The following TRPM3 variants were observed in gnomAD, a reference collection of about 807,000 sequenced individuals.
The protein encoded by TRPM3 is long transient receptor potential channel 3.
TRPM3 carries 77 observed loss-of-function variants against 181.2 expected under a neutral mutation model. That is an observed-to-expected ratio of 0.42 (90% confidence interval 0.35 to 0.51). The LOEUF (loss-of-function observed/expected upper bound fraction) is 0.51. Ranked by LOEUF, TRPM3 falls within the 20% of genes least tolerant of loss-of-function variation. The pLI is 0.01. For missense variants in TRPM3, 1,759 were observed against 2,196.7 expected, an observed-to-expected ratio of 0.80 and a Z score of 3.98; for synonymous variants, 745 against 796.4, an observed-to-expected ratio of 0.94 and a Z score of 1.09.
At chr9:70,869,234 C>T (rs202072985) in intron 1 of TRPM3, among the ~76,000 whole-genome samples, 2 of 151,974 alleles carry the variant, frequency 1.3e-5, no homozygotes, top group East Asian at 1.9e-4. Context: ...GACATTCCCT[C>T]CCAGCCCTCA....
chr9:71,365,045 G>A (rs2092290748), intron 1 of TRPM3, among the ~76,000 whole-genome samples: 1 of 152,044 alleles, frequency 6.6e-6, no homozygotes, highest in Non-Finnish European at 1.5e-5. Context: ...GTCAGGAAGG[G>A]AAAAAAGGAC....
intron 1 of TRPM3, among the ~76,000 whole-genome samples, chr9:71,265,149 A>G (rs1321429707): frequency 6.6e-6 from 1 of 152,228 alleles, no homozygotes; most frequent in Admixed American, 6.5e-5. Context: ...ATGCAAAGAA[A>G]AAACATAAAA....
intron 8 of TRPM3, among the ~76,000 whole-genome samples, chr9:70,698,302 T>C (rs1042193486): frequency 6.6e-6 from 1 of 152,138 alleles, no homozygotes; most frequent in African/African-American, 2.4e-5. Context: ...GCAAGCAGCC[T>C]CTGGAGTCAA....
At chr9:70,811,665 GGAATT>G (rs1180608139) in intron 6 of TRPM3, among the ~76,000 whole-genome samples, 1 of 152,128 alleles carries the variant, frequency 6.6e-6, no homozygotes, top group Non-Finnish European at 1.5e-5. Flanking sequence ...GGAGACGATA[GGAATT>G]GAATTCTTTC....
chr9:71,169,795 G>C (rs1587758225), intron 1 of TRPM3, among the ~76,000 whole-genome samples: 1 of 151,632 alleles, frequency 6.6e-6, no homozygotes, highest in East Asian at 1.9e-4. Flanking sequence ...TCTCGGTTTA[G>C]TATAAAAATA....
intron 16 of TRPM3, among the ~76,000 whole-genome samples, chr9:70,619,602 ATGGGGT>A (rs2063334542): frequency 1.3e-5 from 2 of 150,574 alleles, no homozygotes. Flanking sequence ...TTTTTTGGAG[ATGGGGT>A]CTTGCTATGT....
intron 1 of TRPM3, among the ~76,000 whole-genome samples, chr9:70,986,489 T>C (rs988537748): frequency 9.8e-5 from 15 of 152,342 alleles, no homozygotes; most frequent in African/African-American, 3.6e-4. Flanking sequence ...CAGAATTGTA[T>C]GATGCTTTGA....
intron 6 of TRPM3, among the ~76,000 whole-genome samples, chr9:70,813,150 C>T (rs17554439): frequency 5.9e-5 from 9 of 152,178 alleles, no homozygotes; most frequent in African/African-American, 1.4e-4. Context: ...GAAAGCAATG[C>T]GCTAAGTGAT....
chr9:70,776,600 G>A (rs2081411643), intron 7 of TRPM3: 5 of 551,084 alleles, frequency 9.1e-6, no homozygotes, highest in Middle Eastern at 4.6e-4. Context: ...CTGTCAAAAT[G>A]AGTATTTTTA....
At chr9:71,178,637 T>TA (rs1015371417) in intron 1 of TRPM3, among the ~76,000 whole-genome samples, 1 of 152,196 alleles carries the variant, frequency 6.6e-6, no homozygotes, top group African/African-American at 2.4e-5. Flanking sequence ...TTTATGGCAC[T>TA]AGTAGTTAGA....
chr9:70,981,252 T>C lies in TRPM3; in HGVS notation c.178-116741A>G, dbSNP rs577595207. 1.8e-3 allele frequency among the ~76,000 whole-genome samples: 273 copies of C among 152,360 alleles called. 1 individual carries two copies. Among genetic ancestry groups the C allele is most frequent in the African/African-American group, 6.3e-3 (262 of 41,586 alleles). ...TCTGTTGATTTCTTCTGCAGTTTTA[T>C]AGCGTAGAAGAGCTTGAAAATAGAG... On this transcript the variant is annotated intron_variant, in intron 1 of 25. Transcript: ENST00000677713.
intron 1 of TRPM3, among the ~76,000 whole-genome samples, chr9:71,110,257 A>G (rs756774226): frequency 1.3e-5 from 2 of 152,198 alleles, no homozygotes; most frequent in Non-Finnish European, 2.9e-5. Context: ...CATAGTTGGC[A>G]AACTGTGGAG....
chr9:71,139,469 G>A (rs2074969133), intron 1 of TRPM3, among the ~76,000 whole-genome samples: 1 of 152,094 alleles, frequency 6.6e-6, no homozygotes, highest in Non-Finnish European at 1.5e-5. Flanking sequence ...TACTTCTCAT[G>A]TTTGGTAATT....
chr9:71,028,485 G>A (rs2056864780), intron 1 of TRPM3, among the ~76,000 whole-genome samples: 1 of 152,028 alleles, frequency 6.6e-6, no homozygotes, highest in African/African-American at 2.4e-5. Flanking sequence ...AATGCAAATG[G>A]ACTAAATGCC....
In TRPM3 at chr9:70,938,873, G is replaced by T. The variant is rs577917596; in HGVS notation, c.178-74362C>A. Among the ~76,000 whole-genome samples the T allele has an allele frequency of 2.6e-5, 4 of 151,840 alleles. No individual in the cohort carries two copies. In the East Asian group the frequency reaches 7.8e-4, roughly 30 times the overall value. On this transcript the variant is annotated intron_variant, in intron 1 of 25. Coordinates refer to ENST00000677713, the MANE Select transcript of TRPM3 (RefSeq NM_001366145.2). ...CTTGGGAAGCTGAGGCAGGAGAATG[G>T]CATGAACCTGGGAGGCAGAGCTTGC...
chr9:70,835,182 TTA>T (rs1450347523), intron 5 of TRPM3, among the ~76,000 whole-genome samples: 2 of 152,174 alleles, frequency 1.3e-5, no homozygotes, highest in Non-Finnish European at 2.9e-5. Flanking sequence ...GATGCAGGCA[TTA>T]TGTTTCTCTT....
intron 22 of TRPM3, among the ~76,000 whole-genome samples, chr9:70,565,542 C>T (rs932500173): frequency 6.6e-6 from 1 of 151,638 alleles, no homozygotes; most frequent in Admixed American, 6.6e-5. Context: ...ATCCACCCAC[C>T]TTGGCCTCCC....
intron 1 of TRPM3, among the ~76,000 whole-genome samples, chr9:71,042,752 G>A (rs571332427): frequency 6.6e-6 from 1 of 152,320 alleles, no homozygotes; most frequent in South Asian, 2.1e-4. Flanking sequence ...ACCCAGGTAA[G>A]AGTCAATTTT....
chr9:71,430,643 C>T (rs2093940170), intron 1 of TRPM3, among the ~76,000 whole-genome samples: 1 of 151,960 alleles, frequency 6.6e-6, no homozygotes, highest in Non-Finnish European at 1.5e-5. Context: ...GAAACCCCGT[C>T]TCTATTAAAA....
Sources: gnomAD v4.1 joint callset for allele counts (sites outside exome capture counted in the v4.1 genomes callset) on GRCh38, gnomAD v4.1.1 for gene constraint, MANE v1.5 for transcripts, NCBI Gene and HGNC (gene_info 2026-07-23, HGNC 2026-07-21) for gene names.